AK7: variants seen among roughly 807,000 people sequenced by gnomAD.
The protein encoded by AK7 is ATP-AMP transphosphorylase 7.
Under a neutral mutation model 96.6 loss-of-function variants are expected in AK7, and 78 were observed. That is an observed-to-expected ratio of 0.81 (90% confidence interval 0.67 to 0.97). The LOEUF (loss-of-function observed/expected upper bound fraction) is 0.97, where lower values mean the gene tolerates loss of function less well. Ranked by LOEUF, AK7 falls within the 50% of genes least tolerant of loss-of-function variation. The pLI, the probability that AK7 is intolerant of heterozygous loss-of-function variation, is 0.00. For synonymous variants in AK7, 302 were observed against 317.2 expected, an observed-to-expected ratio of 0.95 and a Z score of 0.51; for missense variants, 855 against 887.9, an observed-to-expected ratio of 0.96 and a Z score of 0.47.
chr14:96,457,113 T>C (rs1595439312), intron 11 of AK7: 1 of 140,246 alleles, frequency 7.1e-6, no homozygotes, highest in African/African-American at 2.7e-5. Context: ...CAGGCTGGAG[T>C]GCAGTGGCAC....
intron 14 of AK7, among the ~76,000 whole-genome samples, chr14:96,478,186 G>A (rs922015220): frequency 1.3e-5 from 2 of 150,040 alleles, no homozygotes; most frequent in Admixed American, 6.7e-5. Context: ...CAGAGGGAGG[G>A]CGGGGGAAGG....
chr14:96,476,433 AG>A (rs1358033880), intron 14 of AK7, among the ~76,000 whole-genome samples: 1 of 150,210 alleles, frequency 6.7e-6, no homozygotes, highest in Non-Finnish European at 1.5e-5. Flanking sequence ...TGAACCCGGG[AG>A]GCAGAGGTTG....
intron 10 of AK7, among the ~76,000 whole-genome samples, chr14:96,453,667 C>T (rs1595434691): frequency 2.0e-5 from 3 of 152,192 alleles, no homozygotes; most frequent in Admixed American, 2.0e-4. Flanking sequence ...ACTTGGCTCC[C>T]AGTGTCCATC....
chr14:96,393,202 C>T (rs1330165873), intron 1 of AK7, among the ~76,000 whole-genome samples: 1 of 152,126 alleles, frequency 6.6e-6, no homozygotes, highest in Non-Finnish European at 1.5e-5. Flanking sequence ...TTTTATCATT[C>T]CCTGTGGGTA....
intron 1 of AK7, among the ~76,000 whole-genome samples, chr14:96,392,816 C>T (rs1889835146): frequency 6.6e-6 from 1 of 151,868 alleles, no homozygotes; most frequent in Admixed American, 6.6e-5. Context: ...GCGCCCGACA[C>T]CGCGCCCGGC....
At chr14:96,438,278 C>T (rs1382323757) in intron 6 of AK7, among the ~76,000 whole-genome samples, 2 of 152,012 alleles carry the variant, frequency 1.3e-5, no homozygotes, top group Admixed American at 1.3e-4. Flanking sequence ...AATAAGCAAG[C>T]CGGTAAATGT....
intron 4 of AK7, among the ~76,000 whole-genome samples, chr14:96,416,649 C>T (rs1003120778): frequency 2.0e-5 from 3 of 152,186 alleles, no homozygotes; most frequent in Non-Finnish European, 4.4e-5. Flanking sequence ...AAAGGTCAAC[C>T]ACTTACCCTT....
At chr14:96,426,095 C>T (rs1256215103) in intron 5 of AK7, among the ~76,000 whole-genome samples, 1 of 152,102 alleles carries the variant, frequency 6.6e-6, no homozygotes, top group African/African-American at 2.4e-5. Context: ...TTCCTTCTTT[C>T]TTTCCTTCCT....
chr14:96,467,921 T>C (rs1322345566), intron 12 of AK7, among the ~76,000 whole-genome samples: 2 of 151,932 alleles, frequency 1.3e-5, no homozygotes, highest in African/African-American at 4.8e-5. Context: ...CACTTTTGCT[T>C]CTGCTTCTAT....
chr14:96,449,773 C>A, intron 8 of AK7, 29 bp from the exon 9 acceptor site: 1 of 1,549,326 alleles, frequency 6.5e-7, no homozygotes, highest in Non-Finnish European at 8.9e-7. Context: ...CCAGGTAAAC[C>A]AACTAATATT....
At chr14:96,403,108 T>G (rs1890510253) in intron 2 of AK7, among the ~76,000 whole-genome samples, 1 of 111,308 alleles carries the variant, frequency 9.0e-6, no homozygotes, top group Non-Finnish European at 2.0e-5. Context: ...AGAGCAAGAC[T>G]CTGTCTTAAA....
chr14:96,478,039 T>C (rs1388074387), intron 14 of AK7, among the ~76,000 whole-genome samples: 3 of 152,084 alleles, frequency 2.0e-5, no homozygotes, highest in Non-Finnish European at 1.5e-5. Flanking sequence ...CATATAAGTA[T>C]GTATTTTTTA....
intron 1 of AK7, among the ~76,000 whole-genome samples, chr14:96,396,206 C>G (rs1369772457): frequency 6.6e-6 from 1 of 152,252 alleles, no homozygotes; most frequent in East Asian, 1.9e-4. Context: ...CACGCTCTGT[C>G]CAGAGATCTT....
chr14:96,451,851 C>A (rs1287423960), intron 10 of AK7, among the ~76,000 whole-genome samples: 2 of 152,060 alleles, frequency 1.3e-5, no homozygotes, highest in African/African-American at 4.8e-5. Context: ...GCAAAATTAT[C>A]TAATTTAAAC....
At chr14:96,466,119 G>A (rs1158597843) in intron 12 of AK7, among the ~76,000 whole-genome samples, 3 of 152,072 alleles carry the variant, frequency 2.0e-5, no homozygotes, top group Non-Finnish European at 4.4e-5. Flanking sequence ...CCAGGCTGGA[G>A]TGCAGTGGTG....
chr14:96,461,603 TA>T (rs1894252795), intron 12 of AK7, among the ~76,000 whole-genome samples: 2 of 152,292 alleles, frequency 1.3e-5, no homozygotes, highest in South Asian at 4.1e-4. Context: ...TTTATTTATT[TA>T]TTTTTGAGAA....
chr14:96,467,630 C>T (rs1343126932), intron 12 of AK7, among the ~76,000 whole-genome samples: 2 of 152,128 alleles, frequency 1.3e-5, no homozygotes, highest in Admixed American at 1.3e-4. Flanking sequence ...GTGAGCCACC[C>T]TGCCCGGCTG....
intron 7 of AK7, among the ~76,000 whole-genome samples, 177 bp downstream of exon 7, chr14:96,442,995 A>G (rs1043899756): frequency 2.0e-5 from 3 of 152,234 alleles, no homozygotes; most frequent in Non-Finnish European, 4.4e-5. Flanking sequence ...CTAATGAAAT[A>G]GTGCCCACTG....
At chr14:96,459,740 G>A (rs115693622) in intron 12 of AK7, among the ~76,000 whole-genome samples, 2,629 of 151,880 alleles carry the variant, frequency 0.017, 77 homozygotes, top group African/African-American at 0.059. Context: ...AGCCAGGCAC[G>A]GTGGTAGGTG....
Sources: allele counts gnomAD v4.1 joint callset (sites outside exome capture counted in the v4.1 genomes callset), GRCh38; gene constraint gnomAD v4.1.1; transcripts MANE v1.5; gene names NCBI Gene and HGNC (gene_info 2026-07-23, HGNC 2026-07-21).